LARP7: variants seen among roughly 807,000 people sequenced by gnomAD.
LARP7 encodes the protein La ribonucleoprotein 7, transcriptional regulator, also known as la-related protein 7.
A neutral mutation model predicts 69.3 loss-of-function variants in LARP7; 52 were observed. The observed-to-expected ratio is 0.75, with a 90% CI of 0.60 to 0.95. LARP7 has a LOEUF of 0.95. Among genes scored for constraint, LARP7 ranks in the 40% least tolerant of loss-of-function variants. LARP7 has a pLI of 0.00. For missense variants in LARP7, 733 were observed against 673.0 expected (o/e 1.09, Z -0.99); for synonymous variants, 254 against 215.9 (o/e 1.18, Z -1.55).
intron 1 of LARP7, among the ~76,000 whole-genome samples, chr4:112,641,739 A>G (rs190582452): frequency 4.2e-4 from 64 of 152,328 alleles, no homozygotes; most frequent in East Asian, 3.3e-3. Flanking sequence ...TTTCTGAGAT[A>G]GGGAAAATTG....
chr4:112,637,704 T>C (rs981294260), intron 1 of LARP7: 1 of 152,246 alleles, frequency 6.6e-6, no homozygotes, highest in African/African-American at 2.4e-5. Context: ...TAACACTTGC[T>C]AGATATGGTG....
rs376253451 is a variant in LARP7, at chr4:112,657,516, A to G, written c.*189A>G. ...ATGTATACCACAATTTTTCTTAAAC[A>G]TTTTATTTGTTGAAATTATCTTAGA... On this transcript the variant is annotated 3_prime_UTR_variant, in exon 13 of 13. Coordinates refer to ENST00000344442, the MANE Select transcript of LARP7 (RefSeq NM_016648.4). The G allele has an allele frequency of 4.5e-5, 16 of 354,026 alleles. No individual in the cohort carries two copies. Among genetic ancestry groups the G allele is most frequent in the Admixed American group, 2.8e-4 (6 of 21,092 alleles). The allele number at this position is 354,026 out of a possible 1,614,324, so 21.9% of individuals were successfully genotyped here.
intron 2 of LARP7, among the ~76,000 whole-genome samples, chr4:112,645,937 C>A (rs1311603190): frequency 6.6e-6 from 1 of 152,086 alleles, no homozygotes; most frequent in Non-Finnish European, 1.5e-5. Context: ...CAGTTACATA[C>A]ACTAAAATGT....
chr4:112,648,510 T>TA, intron 8 of LARP7: 1 of 534,410 alleles, frequency 1.9e-6, no homozygotes, highest in Non-Finnish European at 3.8e-6. Context: ...TGGAAGCACT[T>TA]ACTTTTAAAG....
At position 112,653,125 on chromosome 4, in the gene LARP7, G is replaced by A. The variant is rs939497545; in HGVS notation, c.1465G>A (p.Gly489Arg). The A allele has an allele frequency of 2.5e-6, 4 of 1,608,878 alleles. No individual in the cohort carries two copies. In the African/African-American group the frequency reaches 5.4e-5, roughly 22 times the overall value. Residue 489 changes from glycine (G) to arginine (R), a missense_variant, in exon 11 of 13, where the codon GGG becomes AGG. By Grantham distance (125) the Gly-to-Arg change is moderately radical. Transcript: ENST00000344442. ...SEVLYVDLLEGDTECHARFKT... is the reference protein window; with the variant it reads ...SEVLYVDLLERDTECHARFKT... ...AGTTCTTTATGTTGATTTGCTAGAA[G>A]GGGATACAGAATGCCATGCTAGATT...
Position 112,646,421 on chromosome 4 carries a change from C to T in LARP7, c.273C>T (p.Ala91=). ...KKLTTDGKLI[A]RALRSSAVVE... is the part of the protein sequence containing the mutation. ...TGACTACTGATGGGAAGTTAATTGC[C>T]AGAGCATTGAGAAGTTCAGCTGTTG... Residue 91 remains alanine (A), a synonymous_variant, in exon 3 of 13, where the codon GCC becomes GCT. Coordinates refer to ENST00000344442, the MANE Select transcript of LARP7 (RefSeq NM_016648.4). 1 of 1,603,772 alleles carries T rather than the reference C, an allele frequency of 6.2e-7. No individual in the cohort carries two copies. Among genetic ancestry groups the T allele is most frequent in the Non-Finnish European group, 8.5e-7 (1 of 1,172,166 alleles).
chr4:112,644,468 C>A, intron 1 of LARP7, 200 bp from the exon 2 acceptor site: 1 of 1,187,372 alleles, frequency 8.4e-7, no homozygotes, highest in Non-Finnish European at 1.1e-6. Context: ...GAAACTAAAG[C>A]TATGATCCCT....
intron 1 of LARP7, 44 bp from the exon 2 acceptor site, chr4:112,644,624 T>A: frequency 7.2e-7 from 1 of 1,394,122 alleles, no homozygotes; most frequent in Non-Finnish European, 9.9e-7. Context: ...ATATTAGCTA[T>A]TGTGGTGATT....
At position 112,638,118 on chromosome 4, in the gene LARP7, A is replaced by G. The variant is rs796842094; in HGVS notation, c.-3+879A>G. ...CGAGACCAGCCTGGCCAATATGGCA[A>G]AATCTCGTCTCTACTAAAAACACAA... On this transcript the variant is annotated intron_variant, in intron 1 of 12. Transcript: ENST00000344442. 5.3e-5 allele frequency: 8 copies of G among 152,374 alleles called. 1 individual carries two copies. The highest frequency in any genetic ancestry group is 1.9e-4 in the African/African-American group (8 of 41,558). The allele number at this position is 152,374 out of a possible 1,614,324, so 9.4% of individuals were successfully genotyped here. A position where few individuals can be genotyped will look rare whatever the true frequency, so the allele number is the denominator to read the frequency against.
chr4:112,646,307 A>C (rs768138195), intron 2 of LARP7, 44 bp from the exon 3 acceptor site: 44 of 989,450 alleles, frequency 4.4e-5, no homozygotes, highest in Non-Finnish European at 6.1e-5. Flanking sequence ...AATTGAATTA[A>C]TCCTGCTGAT....
At chr4:112,656,069 G>T (rs944569617) in intron 12 of LARP7, among the ~76,000 whole-genome samples, 1 of 151,956 alleles carries the variant, frequency 6.6e-6, no homozygotes, top group Non-Finnish European at 1.5e-5. Context: ...GTTGTATTTG[G>T]CCCATAATTG....
Position 112,646,479 on chromosome 4 carries a change from T to C in LARP7, c.303+28T>C. Reference sequence around the variant, plus strand: ...AAGAATCAAGAATAACTACTGTTTATATTTATAGTTTATAATTATAAAGAA... The same window carrying C: ...AAGAATCAAGAATAACTACTGTTTACATTTATAGTTTATAATTATAAAGAA... On this transcript the variant is annotated intron_variant, in intron 3 of 12. Transcript: ENST00000344442. 2.9e-6 allele frequency: 4 copies of C among 1,375,116 alleles called. No homozygotes were observed. The South Asian group carries it at 5.2e-5, about 18-fold the overall frequency. The allele number at this position is 1,375,116 out of a possible 1,614,324, so 85.2% of individuals were successfully genotyped here. A position where few individuals can be genotyped will look rare whatever the true frequency, so the allele number is the denominator to read the frequency against.
rs368186137 is a variant in LARP7 at position 112,647,760 on chromosome 4, A to G, written c.1068A>G (p.Lys356=). 1.0e-5 allele frequency: 16 copies of G among 1,576,958 alleles called. No homozygotes were observed. In the African/African-American group the frequency reaches 1.9e-4, roughly 19 times the overall value. ...DLKDSSLLKT[K]RKHKKKHKER... ...AAGATAGCTCTCTCTTGAAAACAAA[A>G]AGGAAACATAAGAAAAAACATAAAG... Residue 356 remains lysine, a synonymous_variant, in exon 8 of 13, where the codon AAA becomes AAG. Coordinates refer to ENST00000344442, the MANE Select transcript of LARP7 (RefSeq NM_016648.4).
At chr4:112,638,997 A>G (rs903129038) in intron 1 of LARP7, among the ~76,000 whole-genome samples, 13 of 152,190 alleles carry the variant, frequency 8.5e-5, no homozygotes, top group Admixed American at 8.5e-4. Context: ...GGGAAATTCT[A>G]CCAAAAGGTA....
In LARP7 at chr4:112,646,637, G is replaced by T; in HGVS notation, c.353G>T (p.Arg118Ile). ...CGGAGGAAAAAACCTCTGGGGGAAAGACCAAAGGATGAGGATGAACGCACA... is the reference window on the plus strand; with the variant it reads ...CGGAGGAAAAAACCTCTGGGGGAAATACCAAAGGATGAGGATGAACGCACA... ...RIRRKKPLGE[R>I]PKDEDERTVY... The change falls in exon 4 of 13, where the codon AGA becomes ATA. Residue 118 changes from arginine (R) to isoleucine (I), a missense_variant. By Grantham distance (97) the Arg-to-Ile change is moderately conservative (BLOSUM62 -3). Transcript: ENST00000344442. 6.2e-7 allele frequency: 1 copy of T among 1,605,870 alleles called. No homozygotes were observed. The highest frequency in any genetic ancestry group is 1.1e-5 in the South Asian group (1 of 89,596).
chr4:112,653,943 G>T, intron 11 of LARP7, 125 bp from the exon 12 acceptor site: 1 of 725,818 alleles, frequency 1.4e-6, no homozygotes, highest in Non-Finnish European at 2.4e-6. Context: ...TGTAATATGT[G>T]TAAAGTAGCA....
intron 8 of LARP7, chr4:112,648,128 C>G: frequency 3.7e-6 from 2 of 540,650 alleles, no homozygotes; most frequent in Non-Finnish European, 7.5e-6. Flanking sequence ...GAGCTGCGGT[C>G]AATACAATAA....
Position 112,653,130 on chromosome 4 carries a change from T to C in LARP7, c.1470T>C (p.Asp490=), listed in dbSNP as rs2048818957. 5 of 1,610,486 alleles carry C rather than the reference T, an allele frequency of 3.1e-6. No homozygotes were observed. Among genetic ancestry groups the C allele is most frequent in the Non-Finnish European group, 4.2e-6 (5 of 1,178,486 alleles). Residue 490 remains aspartate (D), a synonymous_variant, in exon 11 of 13, where the codon GAT becomes GAC. Coordinates refer to ENST00000344442, the MANE Select transcript of LARP7 (RefSeq NM_016648.4). ...TTTATGTTGATTTGCTAGAAGGGGA[T>C]ACAGAATGCCATGCTAGATTTAAAA... The part of the protein sequence containing the change: ...EVLYVDLLEG[D]TECHARFKTP...
At chr4:112,646,547 A>G in intron 3 of LARP7, 41 bp from the exon 4 acceptor site, 1 of 1,295,166 alleles carries the variant, frequency 7.7e-7, no homozygotes, top group Non-Finnish European at 1.1e-6. Flanking sequence ...TTACAATTAT[A>G]AATAATATTA....
Sources: allele counts gnomAD v4.1 joint callset (sites outside exome capture counted in the v4.1 genomes callset), GRCh38; gene constraint gnomAD v4.1.1; transcripts MANE v1.5; gene names NCBI Gene and HGNC (gene_info 2026-07-23, HGNC 2026-07-21).